The following MROH1 variants were observed in gnomAD, a reference collection of about 807,000 sequenced individuals.
MROH1 encodes maestro heat like repeat family member 1, also known as maestro heat-like repeat-containing protein family member 1.
MROH1 carries 117 observed loss-of-function variants against 116.5 expected under a neutral mutation model. That is an observed-to-expected ratio of 1.00 (90% confidence interval 0.86 to 1.17). The LOEUF is 1.17. Ranked by LOEUF, MROH1 falls within the 50% of genes most tolerant of loss-of-function variation. The pLI is 0.00. For missense variants in MROH1, 1,873 were observed against 1,338.5 expected (o/e 1.40, Z -6.23); for synonymous variants, 921 against 583.9 (o/e 1.58, Z -8.32).
chr8:144,159,128 T>C (rs61505926), intron 1 of MROH1, among the ~76,000 whole-genome samples: 1 of 152,008 alleles, frequency 6.6e-6, no homozygotes, highest in Non-Finnish European at 1.5e-5. Flanking sequence ...GAGGCTGAGG[T>C]GGGTGGATCA....
At chr8:144,181,066 G>T (rs185386596) in intron 7 of MROH1, among the ~76,000 whole-genome samples, 6 of 152,270 alleles carry the variant, frequency 3.9e-5, no homozygotes, top group Admixed American at 2.6e-4. Context: ...CTGTTAGAAG[G>T]GGGTGTGGAG....
intron 12 of MROH1, among the ~76,000 whole-genome samples, chr8:144,203,546 C>G (rs888563336): frequency 5.9e-5 from 9 of 151,680 alleles, no homozygotes; most frequent in African/African-American, 1.9e-4. Flanking sequence ...GAGGAGCGCC[C>G]GCTCTCTGGA....
chr8:144,183,553 A>G (rs1213165591), intron 7 of MROH1, among the ~76,000 whole-genome samples: 5 of 151,870 alleles, frequency 3.3e-5, no homozygotes, highest in Non-Finnish European at 7.4e-5. Context: ...ACGGAGGTCA[A>G]GAGGGGAGGT....
chr8:144,260,443 C>T (rs1366369317), intron 39 of MROH1, 69 bp downstream of exon 39: 2 of 699,698 alleles, frequency 2.9e-6, no homozygotes, highest in Non-Finnish European at 2.6e-6. Flanking sequence ...TGAGCTTTAG[C>T]CCCAGCCCCA....
At position 144,180,600 on chromosome 8, in the gene MROH1, G is replaced by C; in HGVS notation, c.562+77G>C. ...TGTTCCCGGGCATGCCTGTTTTAGGGGGGACAGGTGGGCACTTTAGGCTGC... is the reference window on the plus strand; with the variant it reads ...TGTTCCCGGGCATGCCTGTTTTAGGCGGGACAGGTGGGCACTTTAGGCTGC... On this transcript the variant is annotated intron_variant, in intron 7 of 43. Transcript: ENST00000326134. This position sits in a 1 kb window ranked among gnomAD's most constrained non-coding sequence, Gnocchi z 7.4. 1 of 1,376,960 alleles carries C rather than the reference G, an allele frequency of 7.3e-7. No homozygotes were observed. The highest frequency in any genetic ancestry group is 2.4e-5 in the East Asian group (1 of 41,906). 85.3% of individuals were successfully genotyped at this position (1,376,960 alleles called of 1,614,324 possible).
chr8:144,236,707 C>T (rs1391335742), intron 14 of MROH1, among the ~76,000 whole-genome samples: 1 of 151,650 alleles, frequency 6.6e-6, no homozygotes, highest in Non-Finnish European at 1.5e-5. Flanking sequence ...CACCCCACTG[C>T]ACTCCAGCCT....
chr8:144,247,810 C>G, intron 31 of MROH1, 131 bp downstream of exon 31: 1 of 685,694 alleles, frequency 1.5e-6, no homozygotes, highest in Non-Finnish European at 2.7e-6. Context: ...ATGAGCAGGG[C>G]CTGGGTGTTT....
chr8:144,237,448 A>G (rs1302634124), intron 14 of MROH1, among the ~76,000 whole-genome samples: 1 of 152,146 alleles, frequency 6.6e-6, no homozygotes, highest in African/African-American at 2.4e-5. Flanking sequence ...GGACCCTTCC[A>G]TGAGCTATTG....
chr8:144,162,725 G>T (rs1221155893), intron 2 of MROH1, among the ~76,000 whole-genome samples: 3 of 142,438 alleles, frequency 2.1e-5, no homozygotes, highest in African/African-American at 7.7e-5. Flanking sequence ...TCTTTCTTTT[G>T]TTTTTTTTTT....
intron 10 of MROH1, among the ~76,000 whole-genome samples, chr8:144,194,590 C>A (rs1458793641): frequency 6.6e-6 from 1 of 152,138 alleles, no homozygotes; most frequent in African/African-American, 2.4e-5. Flanking sequence ...CATCACCTGT[C>A]CACCTTTCTG....
At chr8:144,177,356 G>A (rs1038883988) in intron 4 of MROH1, among the ~76,000 whole-genome samples, 4 of 152,252 alleles carry the variant, frequency 2.6e-5, no homozygotes, top group African/African-American at 7.2e-5. Flanking sequence ...CCAGGGCCAA[G>A]TGCGTGTCAA....
At chr8:144,245,649 G>A (rs1841756216) in intron 29 of MROH1, among the ~76,000 whole-genome samples, 1 of 152,064 alleles carries the variant, frequency 6.6e-6, no homozygotes, top group Non-Finnish European at 1.5e-5. Flanking sequence ...GATTATTCTA[G>A]GCTTTCTTTT....
chr8:144,165,875 C>G (rs1820711424), intron 3 of MROH1, among the ~76,000 whole-genome samples: 2 of 150,444 alleles, frequency 1.3e-5, no homozygotes, highest in Non-Finnish European at 3.0e-5. Context: ...GCCCGGCCAT[C>G]AGGCATTTAT....
At chr8:144,257,788 C>T (rs1323527807) in intron 35 of MROH1, among the ~76,000 whole-genome samples, 2 of 152,240 alleles carry the variant, frequency 1.3e-5, no homozygotes, top group African/African-American at 4.8e-5. Flanking sequence ...CCACACGGCC[C>T]GTGCCGCTCG....
At chr8:144,168,211 G>A in intron 3 of MROH1, 84 bp from the exon 4 acceptor site, 1 of 1,424,388 alleles carries the variant, frequency 7.0e-7, no homozygotes, top group South Asian at 1.4e-5. Context: ...GGCTGCAGGT[G>A]TGTCCACTGC....
chr8:144,158,423 C>G (rs1249638030), intron 1 of MROH1, among the ~76,000 whole-genome samples: 1 of 152,188 alleles, frequency 6.6e-6, no homozygotes, highest in Non-Finnish European at 1.5e-5. Flanking sequence ...CCTCACCTGG[C>G]CTCTAGTTTC....
In MROH1 at chr8:144,180,201, G is replaced by A; in HGVS notation, c.324G>A (p.Gln108=). 6.2e-7 allele frequency: 1 copy of A among 1,613,934 alleles called. No individual in the cohort carries two copies. The highest frequency in any genetic ancestry group is 2.2e-5 in the East Asian group (1 of 44,886). The change falls in exon 6 of 44, where the codon CAG becomes CAA. Residue 108 remains glutamine, a synonymous_variant. Coordinates refer to ENST00000326134, the MANE Select transcript of MROH1 (RefSeq NM_032450.3). The surrounding 1 kb of genome is among the most constrained non-coding windows in gnomAD (Gnocchi z 7.4). ...AGGACCTGGTCTGGGACTGGCAGCAGGCGGCGAGTGGCGTCCTGGTGGCCG... is the reference window on the plus strand; with the variant it reads ...AGGACCTGGTCTGGGACTGGCAGCAAGCGGCGAGTGGCGTCCTGGTGGCCG... The part of the protein sequence containing the change: ...KTKDLVWDWQ[Q]AASGVLVAVG...
rs1844759467 is a variant in MROH1, at chr8:144,260,203, C to T, written c.4209C>T (p.Pro1403=). ...ATCCTCAGGTGCGAACCCACGGCCC[C>T]CAGCTCCTCACAGCCATGATTGGCG... ...GCPDKVRTHG[P]QLLTAMIGGL... Residue 1403 remains proline (P), a synonymous_variant, in exon 39 of 44, where the codon CCC becomes CCT. Transcript: ENST00000326134. The T allele has an allele frequency of 2.6e-6, 2 of 765,230 alleles. No individual in the cohort carries two copies. Among genetic ancestry groups the T allele is most frequent in the Non-Finnish European group, 4.8e-6 (2 of 417,612 alleles). 47.4% of individuals were successfully genotyped at this position (765,230 alleles called of 1,614,324 possible). A position where few individuals can be genotyped will look rare whatever the true frequency, so the allele number is the denominator to read the frequency against.
chr8:144,259,176 A>G (rs1217620893), intron 36 of MROH1, 64 bp from the exon 37 acceptor site: 1 of 704,534 alleles, frequency 1.4e-6, no homozygotes, highest in Non-Finnish European at 2.6e-6. Context: ...TGCAGGGTGG[A>G]AGGTGCCTGG....
Sources: allele counts gnomAD v4.1 joint callset (sites outside exome capture counted in the v4.1 genomes callset), GRCh38; gene constraint gnomAD v4.1.1; non-coding constraint Gnocchi (gnomAD v3.1); transcripts MANE v1.5; gene names NCBI Gene and HGNC (gene_info 2026-07-23, HGNC 2026-07-21).